PCDH9: variants seen among roughly 807,000 people sequenced by gnomAD.
PCDH9 encodes protocadherin-9.
In PCDH9, 24 loss-of-function variants were observed where a neutral mutation model predicts 70.6. The observed-to-expected ratio is 0.34, with a 90% CI of 0.25 to 0.48. The LOEUF is 0.48. Among genes scored for constraint, PCDH9 ranks in the 20% least tolerant of loss-of-function variants. The probability of loss-of-function intolerance (pLI) is 0.99; values close to 1 mark genes in which losing one functional copy is unlikely to be tolerated. For synonymous variants in PCDH9, 562 were observed against 558.5 expected (o/e 1.01, Z -0.09); for missense variants, 1,281 against 1,503.6 (o/e 0.85, Z 2.45).
intron 4 of PCDH9, among the ~76,000 whole-genome samples, chr13:66,326,221 T>C (rs554368721): frequency 6.6e-6 from 1 of 152,188 alleles, no homozygotes; most frequent in East Asian, 1.9e-4. Context: ...ATCAATCCTT[T>C]CTCACTTACA....
At position 66,919,085 on chromosome 13, in the gene PCDH9, C is replaced by T. The variant is rs76893260; in HGVS notation, c.3037-15480G>A. Among the ~76,000 whole-genome samples the T allele has an allele frequency of 9.6e-3, 1,449 of 151,290 alleles. 31 individuals carry two copies. The highest frequency in any genetic ancestry group is 0.033 in the African/African-American group (1,383 of 41,406). On this transcript the variant is annotated intron_variant, in intron 2 of 4. Transcript: ENST00000377865. ...CCTTTCCTGTTGGAAACATACTTCA[C>T]GTTGGTGTTTCTCAAGTCTATATTA...
At chr13:67,005,895 A>G (rs2084340898) in intron 2 of PCDH9, among the ~76,000 whole-genome samples, 1 of 152,166 alleles carries the variant, frequency 6.6e-6, no homozygotes, top group Non-Finnish European at 1.5e-5. Context: ...ACTAATCTAA[A>G]AAGCTGTGGT....
intron 3 of PCDH9, among the ~76,000 whole-genome samples, chr13:66,780,205 G>T (rs1221043375): frequency 2.0e-5 from 3 of 151,944 alleles, no homozygotes; most frequent in Non-Finnish European, 4.4e-5. Flanking sequence ...ATAACATCAC[G>T]CTGTATACCT....
chr13:66,533,836 C>T (rs1007654189), intron 4 of PCDH9, among the ~76,000 whole-genome samples: 30 of 152,090 alleles, frequency 2.0e-4, no homozygotes, highest in Non-Finnish European at 3.4e-4. Context: ...TTCCAACCTC[C>T]GCAAACATAT....
At chr13:66,849,486 GTATATATATATATATATA>G (rs144181181) in intron 3 of PCDH9, among the ~76,000 whole-genome samples, 1 of 90,260 alleles carries the variant, frequency 1.1e-5, no homozygotes, top group African/African-American at 4.6e-5. Context: ...TCATAGGTAG[GTATATATATATATATATA>G]TATATATATA....
chr13:66,513,535 C>T (rs1042841998), intron 4 of PCDH9, among the ~76,000 whole-genome samples: 2 of 152,010 alleles, frequency 1.3e-5, no homozygotes, highest in African/African-American at 4.8e-5. Context: ...AAAAACAACA[C>T]AGTCAGCACC....
intron 2 of PCDH9, among the ~76,000 whole-genome samples, chr13:66,966,193 C>T (rs2083432338): frequency 1.3e-5 from 2 of 152,132 alleles, no homozygotes; most frequent in Non-Finnish European, 2.9e-5. Flanking sequence ...AAATCTTGGG[C>T]AAGCCCCTTG....
At chr13:66,760,214 T>C (rs1056102815) in intron 3 of PCDH9, among the ~76,000 whole-genome samples, 2 of 152,214 alleles carry the variant, frequency 1.3e-5, no homozygotes, top group African/African-American at 2.4e-5. Flanking sequence ...AGAAGTCCTC[T>C]GCTGGACATA....
At chr13:66,632,858 A>G (rs1339172651) in intron 3 of PCDH9, among the ~76,000 whole-genome samples, 1 of 151,960 alleles carries the variant, frequency 6.6e-6, no homozygotes, top group Non-Finnish European at 1.5e-5. Context: ...ATGAATGTAT[A>G]TATTAAAAAA....
At chr13:67,185,345 GTTAT>G (rs1406936882) in intron 2 of PCDH9, among the ~76,000 whole-genome samples, 7 of 152,048 alleles carry the variant, frequency 4.6e-5, no homozygotes, top group African/African-American at 1.7e-4. Context: ...TCAAAATTAC[GTTAT>G]TTTTCTTTGC....
rs1240236534 is a variant in PCDH9, at chr13:67,202,220, A to T, written c.3036+23185T>A. The T allele has an allele frequency of 2.6e-5, 4 of 152,064 alleles. No homozygotes were observed. In the East Asian group the frequency reaches 7.7e-4, roughly 29 times the overall value. 9.4% of individuals were successfully genotyped at this position (152,064 alleles called of 1,614,324 possible). A position where few individuals can be genotyped will look rare whatever the true frequency, so the allele number is the denominator to read the frequency against. The stretch of plus-strand genomic sequence containing the variant: ...CCTAAAAATTTCTTAGGCAATAATG[A>T]TTGAAAAAATGTACTTTGCACTTAA... On this transcript the variant is annotated intron_variant, in intron 2 of 4. Transcript: ENST00000377865.
intron 3 of PCDH9, among the ~76,000 whole-genome samples, chr13:66,790,031 C>T (rs7329594): frequency 0.028 from 4,247 of 152,158 alleles, 177 homozygotes; most frequent in African/African-American, 0.094. Context: ...CCAGGTAATG[C>T]TAAACGTTTT....
At chr13:66,609,646 A>G (rs2138866610) in intron 4 of PCDH9, among the ~76,000 whole-genome samples, 1 of 152,208 alleles carries the variant, frequency 6.6e-6, no homozygotes, top group African/African-American at 2.4e-5. Context: ...TTTATTCAAT[A>G]CCACCTAAAC....
chr13:66,334,343 T>C (rs1307502685), intron 4 of PCDH9, among the ~76,000 whole-genome samples: 2 of 152,132 alleles, frequency 1.3e-5, no homozygotes. Context: ...TTGATGTTGC[T>C]GCAAATGACA....
intron 4 of PCDH9, among the ~76,000 whole-genome samples, chr13:66,445,802 CAT>C (rs1958076949): frequency 8.1e-6 from 1 of 123,244 alleles, no homozygotes; most frequent in Non-Finnish European, 1.7e-5. Context: ...AATACATACA[CAT>C]ATATTATATA....
At chr13:67,090,154 A>C (rs1487478232) in intron 2 of PCDH9, among the ~76,000 whole-genome samples, 1 of 152,046 alleles carries the variant, frequency 6.6e-6, no homozygotes, top group African/African-American at 2.4e-5. Context: ...GGACTAAATG[A>C]TTACTAATGA....
intron 2 of PCDH9, among the ~76,000 whole-genome samples, chr13:67,173,622 T>C (rs924711959): frequency 2.0e-5 from 3 of 152,136 alleles, no homozygotes; most frequent in African/African-American, 4.8e-5. Flanking sequence ...TACACTTCAG[T>C]TCGACAGAGA....
chr13:67,048,667 G>C (rs971156476), intron 2 of PCDH9, among the ~76,000 whole-genome samples: 3 of 152,178 alleles, frequency 2.0e-5, no homozygotes, highest in African/African-American at 4.8e-5. Context: ...TGCTGGGCCT[G>C]CTACCTCTGA....
chr13:66,334,734 G>A (rs1340441721), intron 4 of PCDH9, among the ~76,000 whole-genome samples: 1 of 151,712 alleles, frequency 6.6e-6, no homozygotes, highest in Non-Finnish European at 1.5e-5. Context: ...TACTTTTCAT[G>A]CTTATTGGTG....
Sources: gnomAD v4.1 joint callset for allele counts (sites outside exome capture counted in the v4.1 genomes callset) on GRCh38, gnomAD v4.1.1 for gene constraint, MANE v1.5 for transcripts, NCBI Gene and HGNC (gene_info 2026-07-23, HGNC 2026-07-21) for gene names.